The following GRM5 variants were observed in gnomAD, a reference collection of about 807,000 sequenced individuals.
GRM5 encodes glutamate metabotropic receptor 5.
In GRM5, 19 loss-of-function variants were observed where a neutral mutation model predicts 83.1. That is an observed-to-expected ratio of 0.23 (90% confidence interval 0.16 to 0.34). The LOEUF is 0.34. Among genes scored for constraint, GRM5 ranks in the 10% least tolerant of loss-of-function variants. The pLI is 1.00. For synonymous variants in GRM5, 675 were observed against 633.6 expected, an observed-to-expected ratio of 1.07 and a Z score of -0.98; for missense variants, 1,160 against 1,588.3, an observed-to-expected ratio of 0.73 and a Z score of 4.58.
intron 2 of GRM5, among the ~76,000 whole-genome samples, chr11:88,904,183 A>G (rs544850647): frequency 1.3e-5 from 2 of 152,320 alleles, no homozygotes; most frequent in South Asian, 4.1e-4. Flanking sequence ...TGACCTCACA[A>G]AAGAGAAAAT....
intron 4 of GRM5, among the ~76,000 whole-genome samples, chr11:88,620,874 T>C (rs952574223): frequency 6.6e-5 from 10 of 152,164 alleles, no homozygotes; most frequent in Non-Finnish European, 1.3e-4. Flanking sequence ...CTCTGAATGC[T>C]CATATTGAAA....
intron 4 of GRM5, among the ~76,000 whole-genome samples, chr11:88,633,152 T>A (rs1386285774): frequency 6.6e-6 from 1 of 152,158 alleles, no homozygotes; most frequent in African/African-American, 2.4e-5. Flanking sequence ...ACTTATTGGG[T>A]CATGTATCCT....
At position 88,721,669 on chromosome 11, in the gene GRM5, A is replaced by T. The variant is rs139394149; in HGVS notation, c.912-68266T>A. Among the ~76,000 whole-genome samples the T allele has an allele frequency of 2.4e-3, 362 of 152,226 alleles. 2 individuals are homozygous for T. Among genetic ancestry groups the T allele is most frequent in the African/African-American group, 8.2e-3 (342 of 41,566 alleles). On this transcript the variant is annotated intron_variant, in intron 3 of 9. Coordinates refer to ENST00000305447, the MANE Select transcript of GRM5 (RefSeq NM_001143831.3). ...TTTTGTGCCATTTGGGTAAGTCTCC[A>T]TCTTGTCACTGATGGTTGGAAATAA...
intron 3 of GRM5, among the ~76,000 whole-genome samples, chr11:88,787,617 T>C (rs1326361860): frequency 6.6e-6 from 1 of 152,088 alleles, no homozygotes; most frequent in African/African-American, 2.4e-5. Context: ...CTTATAGCCA[T>C]CCAGGTGAGA....
chr11:88,567,401 G>C lies in GRM5; in HGVS notation c.2282C>G (p.Thr761Ser), dbSNP rs1342785609. 6.2e-7 allele frequency: 1 copy of C among 1,613,910 alleles called. No individual in the cohort carries two copies. The highest frequency in any genetic ancestry group is 1.1e-5 in the South Asian group (1 of 91,076). Residue 761 changes from threonine (T) to serine (S), a missense_variant, in exon 8 of 10, where the codon ACC becomes AGC. Thr to Ser is a moderately conservative substitution (Grantham distance 58). Around this residue, in one of 9 missense-constraint regions of GRM5, gnomAD observed 66 missense variants for 138.6 expected, o/e 0.48. Transcript: ENST00000305447. This position sits in a 1 kb window ranked among gnomAD's most constrained non-coding sequence, Gnocchi z 7.3. Reference sequence around the variant, plus strand: ...GTTGAAGTTAGCTGGAACATTTCTGGTCTTGAACGCATAGAAGGTGCAGCT... The same window carrying C: ...GTTGAAGTTAGCTGGAACATTTCTGCTCTTGAACGCATAGAAGGTGCAGCT... Reference protein sequence around the residue: ...ILSCTFYAFKTRNVPANFNEA... With the variant: ...ILSCTFYAFKSRNVPANFNEA...
At chr11:88,551,099 T>C (rs533378793) in intron 8 of GRM5, among the ~76,000 whole-genome samples, 13 of 152,226 alleles carry the variant, frequency 8.5e-5, no homozygotes, top group African/African-American at 2.9e-4. Flanking sequence ...ATGTCTCAAT[T>C]TCCTTATTTA....
At chr11:88,976,984 G>A (rs1454163864) in intron 2 of GRM5, among the ~76,000 whole-genome samples, 1 of 151,844 alleles carries the variant, frequency 6.6e-6, no homozygotes, top group Non-Finnish European at 1.5e-5. Context: ...TATTGAGGGA[G>A]AAACTCTCAG....
intron 4 of GRM5, among the ~76,000 whole-genome samples, chr11:88,639,692 A>T (rs1939237775): frequency 1.3e-5 from 2 of 151,256 alleles, no homozygotes; most frequent in Non-Finnish European, 2.9e-5. Context: ...GGTTCATGCC[A>T]TTCTCCTGCC....
intron 2 of GRM5, among the ~76,000 whole-genome samples, chr11:88,994,468 T>G: frequency 9.3e-6 from 1 of 107,232 alleles, no homozygotes; most frequent in Middle Eastern, 3.8e-3. Flanking sequence ...TATATATATA[T>G]ATATATATAT....
rs146080364 is a variant in GRM5 at position 88,517,906 on chromosome 11, G to A, written c.2726+7403C>T. ...AAAAACTATACATTTGTACATAAAT[G>A]TGTGCATATAGATGTGTGTGTACAT... On this transcript the variant is annotated intron_variant, in intron 9 of 9. Coordinates refer to ENST00000305447, the MANE Select transcript of GRM5 (RefSeq NM_001143831.3). Among the ~76,000 whole-genome samples the A allele has an allele frequency of 5.9e-3, 904 of 152,128 alleles. 12 individuals carry two copies. The highest frequency in any genetic ancestry group is 0.02 in the African/African-American group (851 of 41,526).
At chr11:88,922,707 C>A (rs750357341) in intron 2 of GRM5, among the ~76,000 whole-genome samples, 23 of 152,024 alleles carry the variant, frequency 1.5e-4, no homozygotes, top group Non-Finnish European at 3.1e-4. Context: ...TACAAGCAAC[C>A]AAAGCAAACA....
At chr11:88,855,388 A>G (rs568734774) in intron 2 of GRM5, among the ~76,000 whole-genome samples, 2 of 152,050 alleles carry the variant, frequency 1.3e-5, no homozygotes, top group East Asian at 3.9e-4. Context: ...TTCTTTCTAC[A>G]TGGAATACAT....
At chr11:88,772,975 T>A (rs1447288387) in intron 3 of GRM5, among the ~76,000 whole-genome samples, 2 of 152,182 alleles carry the variant, frequency 1.3e-5, no homozygotes, top group Admixed American at 1.3e-4. Context: ...AGTAATGGGA[T>A]TGCTGGGTCA....
chr11:88,922,868 G>A (rs1206312026), intron 2 of GRM5, among the ~76,000 whole-genome samples: 1 of 151,796 alleles, frequency 6.6e-6, no homozygotes, highest in African/African-American at 2.4e-5. Flanking sequence ...AGAAGCTCAA[G>A]CAACTCAATG....
intron 2 of GRM5, among the ~76,000 whole-genome samples, chr11:88,986,851 C>A (rs898481025): frequency 6.7e-6 from 1 of 148,902 alleles, no homozygotes; most frequent in Admixed American, 6.8e-5. Flanking sequence ...TCACATCTCA[C>A]ATTTAAGTCT....
chr11:88,898,214 C>A lies in GRM5; in HGVS notation c.662-48059G>T, dbSNP rs185099978. Among the ~76,000 whole-genome samples, 474 of 152,004 alleles carry A rather than the reference C, an allele frequency of 3.1e-3. 3 individuals are homozygous for A. Among genetic ancestry groups the A allele is most frequent in the African/African-American group, 0.011 (454 of 41,488 alleles). ...TCTGTCTCTGTATCCAAATTTCCCT[C>A]TTTTGTAAGGAAACCAGTTATATTG... On this transcript the variant is annotated intron_variant, in intron 2 of 9. Transcript: ENST00000305447.
chr11:88,633,543 G>A, intron 4 of GRM5, among the ~76,000 whole-genome samples: 1 of 152,136 alleles, frequency 6.6e-6, no homozygotes, highest in East Asian at 1.9e-4. Context: ...TTGTAACTCA[G>A]GATGGAGTGC....
At chr11:89,000,046 C>T (rs1940320135) in intron 2 of GRM5, among the ~76,000 whole-genome samples, 1 of 151,788 alleles carries the variant, frequency 6.6e-6, no homozygotes, top group Admixed American at 6.6e-5. Context: ...AATGAGAACA[C>T]ATGGACACAG....
intron 7 of GRM5, among the ~76,000 whole-genome samples, chr11:88,573,765 T>C (rs1591358373): frequency 1.3e-5 from 2 of 152,320 alleles, no homozygotes; most frequent in Middle Eastern, 3.4e-3. Context: ...ACATCATGCT[T>C]GCTTTCCATC....
Sources: gnomAD v4.1 joint callset for allele counts (sites outside exome capture counted in the v4.1 genomes callset) on GRCh38, gnomAD v4.1.1 for gene constraint, gnomAD v4.1.1 regional missense constraint, Gnocchi (gnomAD v3.1) non-coding constraint, MANE v1.5 for transcripts, NCBI Gene and HGNC (gene_info 2026-07-23, HGNC 2026-07-21) for gene names.